LRPAP1: variants seen among roughly 807,000 people sequenced by gnomAD.
The protein encoded by LRPAP1 is LDL receptor related protein associated protein 1.
LRPAP1 carries 41 observed loss-of-function variants against 39.9 expected under a neutral mutation model. That is an observed-to-expected ratio of 1.03 (90% CI 0.80 to 1.33). The LOEUF is 1.33. LRPAP1 is among the 40% of genes most tolerant of loss of function. The pLI is 0.00. For synonymous variants in LRPAP1, 263 were observed against 212.7 expected (o/e 1.24, Z -2.06); for missense variants, 565 against 482.3 (o/e 1.17, Z -1.61).
intron 3 of LRPAP1, among the ~76,000 whole-genome samples, chr4:3,519,255 A>AG (rs1221782795): frequency 6.6e-5 from 10 of 152,194 alleles, no homozygotes; most frequent in Non-Finnish European, 1.2e-4. Flanking sequence ...GATCCCAAGG[A>AG]GGGGGACAGG....
At chr4:3,522,574 TCCCTGCCTGGGGAAGTC>T (rs2108692975) in intron 2 of LRPAP1, among the ~76,000 whole-genome samples, 1 of 95,094 alleles carries the variant, frequency 1.1e-5, no homozygotes, top group South Asian at 4.0e-4. Context: ...CACCCCACAC[TCCCTGCCTGGGGAAGTC>T]GGACGCCGCC....
intron 5 of LRPAP1, among the ~76,000 whole-genome samples, chr4:3,516,757 C>CT (rs1729718667): frequency 6.6e-6 from 1 of 152,234 alleles, no homozygotes; most frequent in African/African-American, 2.4e-5. Context: ...GACTCCGGGG[C>CT]TGTCACCACT....
At position 3,524,917 on chromosome 4, in the gene LRPAP1, G is replaced by A; in HGVS notation, c.339C>T (p.Arg113=). 1 of 1,614,236 alleles carries A rather than the reference G, an allele frequency of 6.2e-7. No individual in the cohort carries two copies. Among genetic ancestry groups the A allele is most frequent in the Non-Finnish European group, 8.5e-7 (1 of 1,180,032 alleles). ...EDGEKEARLI[R]NLNVILAKYG... is the part of the protein sequence containing the mutation. Reference sequence around the variant, plus strand: ...AAGAAACAAACGTACCATTGAGGTTGCGTATGAGTCTCGCTTCCTTCTCCC... The same window carrying A: ...AAGAAACAAACGTACCATTGAGGTTACGTATGAGTCTCGCTTCCTTCTCCC... Residue 113 remains arginine, a synonymous_variant, in exon 2 of 8, where the codon CGC becomes CGT. Coordinates refer to ENST00000650182, the MANE Select transcript of LRPAP1 (RefSeq NM_002337.4).
intron 4 of LRPAP1, 80 bp downstream of exon 4, chr4:3,518,791 C>G: frequency 2.0e-6 from 2 of 1,008,746 alleles, no homozygotes; most frequent in Non-Finnish European, 1.4e-6. Flanking sequence ...CCACTGAGCA[C>G]AACGAGCCTC....
chr4:3,517,780 G>A (rs1729763900), intron 5 of LRPAP1: 2 of 426,038 alleles, frequency 4.7e-6, no homozygotes, highest in Admixed American at 4.3e-5. Flanking sequence ...GGGAAGGGCT[G>A]CTCCCAGGCC....
intron 5 of LRPAP1, chr4:3,517,679 G>A: frequency 5.4e-6 from 1 of 184,926 alleles, no homozygotes; most frequent in Non-Finnish European, 1.1e-5. Context: ...GGTGGCATGA[G>A]ATGGAGACGG....
rs1322336731 is a variant in LRPAP1 at position 3,532,381 on chromosome 4, C to G, written c.32G>C (p.Arg11Pro). 3 of 1,591,300 alleles carry G rather than the reference C, an allele frequency of 1.9e-6. No individual in the cohort carries two copies. The highest frequency in any genetic ancestry group is 8.5e-7 in the Non-Finnish European group (1 of 1,169,592). ...CAGCAGTAGCAGCGCCGGGAGCCCGCGCAGAAACGACCTGACCCTCCGCGG... is the reference window on the plus strand; with the variant it reads ...CAGCAGTAGCAGCGCCGGGAGCCCGGGCAGAAACGACCTGACCCTCCGCGG... Reference protein sequence around the residue: MAPRRVRSFLRGLPALLLLLL... With the variant: MAPRRVRSFLPGLPALLLLLL... The change falls in exon 1 of 8, where the codon CGC becomes CCC. Residue 11 changes from arginine (R) to proline (P), a missense_variant. Arg to Pro is a moderately radical substitution (Grantham distance 103). Transcript: ENST00000650182.
At chr4:3,513,073 C>T (rs371996146) in intron 7 of LRPAP1, 37 bp from the exon 8 acceptor site, 226 of 1,540,082 alleles carry the variant, frequency 1.5e-4, no homozygotes, top group Non-Finnish European at 1.9e-4. Flanking sequence ...GGGGACAGCG[C>T]GCCTCGAGGC....
At chr4:3,523,151 TG>T (rs1209136579) in intron 2 of LRPAP1, among the ~76,000 whole-genome samples, 3 of 152,162 alleles carry the variant, frequency 2.0e-5, no homozygotes, top group African/African-American at 7.2e-5. Flanking sequence ...GGACACTGCC[TG>T]GCCTGCAGGA....
intron 3 of LRPAP1, 49 bp from the exon 4 acceptor site, chr4:3,519,040 C>A: frequency 6.3e-7 from 1 of 1,595,798 alleles, no homozygotes; most frequent in South Asian, 1.1e-5. Context: ...GCTCGTGTGG[C>A]CAGGGCCGCT....
At chr4:3,527,843 T>C (rs561799915) in intron 1 of LRPAP1, among the ~76,000 whole-genome samples, 9 of 152,226 alleles carry the variant, frequency 5.9e-5, no homozygotes, top group Non-Finnish European at 8.8e-5. Context: ...ACTGGCTTCC[T>C]GTCTGCCTCC....
chr4:3,524,102 C>T (rs1730005862), intron 2 of LRPAP1, among the ~76,000 whole-genome samples: 1 of 152,182 alleles, frequency 6.6e-6, no homozygotes, highest in African/African-American at 2.4e-5. Context: ...TCCGGAGCAG[C>T]CCCAACCCCA....
At chr4:3,519,285 G>C (rs1038639192) in intron 3 of LRPAP1, among the ~76,000 whole-genome samples, 1 of 152,212 alleles carries the variant, frequency 6.6e-6, no homozygotes, top group African/African-American at 2.4e-5. Flanking sequence ...CGGTGACCCC[G>C]GGCTTGCCTG....
rs1411073067 is a variant in LRPAP1 at position 3,507,833 on chromosome 4, C to T, written c.*5141G>A. 6.6e-6 allele frequency: 1 copy of T among 152,066 alleles called. No individual in the cohort carries two copies. The highest frequency in any genetic ancestry group is 1.5e-5 in the Non-Finnish European group (1 of 68,020). 9.4% of individuals were successfully genotyped at this position (152,066 alleles called of 1,614,324 possible). A position where few individuals can be genotyped will look rare whatever the true frequency, so the allele number is the denominator to read the frequency against. ...TAAAAATGATAAACTCTTAGCTAGT[C>T]TGATCAGGGGGAAAAGAAAACACAA... On this transcript the variant is annotated 3_prime_UTR_variant, in exon 8 of 8. Coordinates refer to ENST00000650182, the MANE Select transcript of LRPAP1 (RefSeq NM_002337.4).
intron 1 of LRPAP1, among the ~76,000 whole-genome samples, chr4:3,531,821 G>A (rs949013184): frequency 1.3e-5 from 2 of 152,218 alleles, no homozygotes; most frequent in African/African-American, 4.8e-5. Context: ...CCAACATTTT[G>A]TTTTTCTTGT....
Position 3,516,212 on chromosome 4 carries a change from G to A in LRPAP1, c.752-14C>T. On this transcript the variant is annotated splice_polypyrimidine_tract_variant and intron_variant, in intron 5 of 7. Transcript: ENST00000650182. ...GCTCCTCGAACTCTGCAGGGGAGGA[G>A]CAAGAGTGGCCTCAGCAGCACCCGG... is the stretch of plus-strand genomic sequence containing the variant. The A allele has an allele frequency of 6.4e-7, 1 of 1,558,270 alleles. No homozygotes were observed. Among genetic ancestry groups the A allele is most frequent in the Non-Finnish European group, 8.7e-7 (1 of 1,150,460 alleles).
Position 3,518,023 on chromosome 4 carries a change from C to A in LRPAP1, c.751+11G>T, listed in dbSNP as rs546441314. On this transcript the variant is annotated intron_variant, in intron 5 of 7. Coordinates refer to ENST00000650182, the MANE Select transcript of LRPAP1 (RefSeq NM_002337.4). ...ACCCTCGGGAACCAACAGTCCCGGG[C>A]GGGCACTCACCAGCCTCAGTGCTGT... 8 of 1,594,998 alleles carry A rather than the reference C, an allele frequency of 5.0e-6. No individual in the cohort carries two copies. In the African/African-American group the frequency reaches 5.4e-5, roughly 11 times the overall value.
intron 2 of LRPAP1, among the ~76,000 whole-genome samples, chr4:3,521,143 C>T (rs183257967): frequency 5.6e-4 from 85 of 152,322 alleles, no homozygotes; most frequent in African/African-American, 1.9e-3. Flanking sequence ...GCAACCACAC[C>T]CGCCTCCTTA....
chr4:3,529,626 G>A (rs1167671187), intron 1 of LRPAP1, among the ~76,000 whole-genome samples: 4 of 152,192 alleles, frequency 2.6e-5, no homozygotes, highest in African/African-American at 9.7e-5. Flanking sequence ...CTGTGAAAGA[G>A]GAACTGGGAG....
Sources: allele counts gnomAD v4.1 joint callset (sites outside exome capture counted in the v4.1 genomes callset), GRCh38; gene constraint gnomAD v4.1.1; transcripts MANE v1.5; gene names NCBI Gene and HGNC (gene_info 2026-07-23, HGNC 2026-07-21).